Variants in AGAP1 observed in about 807,000 individuals in gnomAD.
The protein encoded by AGAP1 is ArfGAP with GTPase domain, ankyrin repeat and PH domain 1, also known as arf-GAP with GTPase, ANK repeat and PH domain-containing protein 1.
In AGAP1, 29 loss-of-function variants were observed where a neutral mutation model predicts 105.3. The observed-to-expected ratio is 0.28, with a 90% CI of 0.21 to 0.38. AGAP1 has a LOEUF of 0.38. AGAP1 is among the 10% of genes least tolerant of loss of function. The pLI, the probability that AGAP1 is intolerant of heterozygous loss-of-function variation, is 1.00. For synonymous variants in AGAP1, 509 were observed against 485.9 expected (o/e 1.05, Z -0.63); for missense variants, 998 against 1,165.1 (o/e 0.86, Z 2.09).
At chr2:235,698,272 G>C (rs1467314118) in intron 1 of AGAP1, among the ~76,000 whole-genome samples, 1 of 76,376 alleles carries the variant, frequency 1.3e-5, no homozygotes, top group Non-Finnish European at 2.7e-5. Context: ...ATGAAGCTTC[G>C]CTTTGCTTGC....
At chr2:235,561,279 G>T (rs959232393) in intron 1 of AGAP1, among the ~76,000 whole-genome samples, 3 of 152,110 alleles carry the variant, frequency 2.0e-5, no homozygotes, top group African/African-American at 7.2e-5. Flanking sequence ...ATTTTAAACT[G>T]CCCACAAACA....
intron 1 of AGAP1, among the ~76,000 whole-genome samples, chr2:235,522,043 A>T (rs568375586): frequency 3.9e-5 from 6 of 152,242 alleles, no homozygotes; most frequent in African/African-American, 1.4e-4. Context: ...AATACATCGG[A>T]TGTAATCAGG....
chr2:235,945,900 T>C (rs983031614), intron 12 of AGAP1, among the ~76,000 whole-genome samples: 1 of 18,104 alleles, frequency 5.5e-5, no homozygotes. Context: ...GCGGTGGTGG[T>C]GGGGGCGATA....
intron 9 of AGAP1, among the ~76,000 whole-genome samples, chr2:235,869,772 C>T (rs2049350188): frequency 6.6e-6 from 1 of 152,218 alleles, no homozygotes; most frequent in Non-Finnish European, 1.5e-5. Context: ...GCAAAAGTGG[C>T]ACAGCTGGCT....
intron 8 of AGAP1, among the ~76,000 whole-genome samples, chr2:235,804,434 G>A (rs1282684290): frequency 2.6e-5 from 4 of 152,204 alleles, no homozygotes; most frequent in Admixed American, 2.0e-4. Flanking sequence ...TTCATAGTGC[G>A]AAGAGAACTG....
rs1950248857 is a variant in AGAP1, at chr2:235,701,298, G to A, written c.164-7881G>A. 6.6e-6 allele frequency among the ~76,000 whole-genome samples: 1 copy of A among 152,078 alleles called. No individual in the cohort carries two copies. The highest frequency in any genetic ancestry group is 2.4e-5 in the African/African-American group (1 of 41,390). On this transcript the variant is annotated intron_variant, in intron 1 of 17. Coordinates refer to ENST00000304032, the MANE Select transcript of AGAP1 (RefSeq NM_001037131.3). This position sits in a 1 kb window ranked among gnomAD's most constrained non-coding sequence, Gnocchi z 4.1. ...CTTAGAGGAGAAGAGAGAGGACCCA[G>A]TCAAATGCTGACGTTGTTGTGACAG...
intron 1 of AGAP1, among the ~76,000 whole-genome samples, chr2:235,651,410 G>A (rs1947589498): frequency 6.6e-6 from 1 of 152,004 alleles, no homozygotes; most frequent in South Asian, 2.1e-4. Flanking sequence ...AAGCTTAAGG[G>A]AAACATATTT....
At chr2:235,693,378 G>A (rs1475214325) in intron 1 of AGAP1, among the ~76,000 whole-genome samples, 2 of 152,052 alleles carry the variant, frequency 1.3e-5, no homozygotes, top group African/African-American at 2.4e-5. Context: ...TGCCCTCCAG[G>A]GGTCATATCC....
In AGAP1 at chr2:235,792,913, C is replaced by T. The variant is rs1258915401; in HGVS notation, c.674-4846C>T. On this transcript the variant is annotated intron_variant, in intron 6 of 17. Coordinates refer to ENST00000304032, the MANE Select transcript of AGAP1 (RefSeq NM_001037131.3). This position sits in a 1 kb window ranked among gnomAD's most constrained non-coding sequence, Gnocchi z 5.3. ...GCACTGAGGTGGTGACCGAGACATT[C>T]GCGAGGAGGTTGCCCAGGCAGAGGG... Among the ~76,000 whole-genome samples, 3 of 152,070 alleles carry T rather than the reference C, an allele frequency of 2.0e-5. No individual in the cohort carries two copies. The highest frequency in any genetic ancestry group is 1.9e-4 in the East Asian group (1 of 5,164).
rs566152439 is a variant in AGAP1, at chr2:236,029,282, C to CTT, written c.1646-7269_1646-7268dup. ...ATCTTCCTGAAATACATCCTTTTTTCTTTTTTTTTTTGAGATGAAGTCTTT... is the reference window on the plus strand; with the variant it reads ...ATCTTCCTGAAATACATCCTTTTTTCTTTTTTTTTTTTTGAGATGAAGTCTTT... On this transcript the variant is annotated intron_variant, in intron 13 of 17. Coordinates refer to ENST00000304032, the MANE Select transcript of AGAP1 (RefSeq NM_001037131.3). 1.2e-3 allele frequency among the ~76,000 whole-genome samples: 173 copies of CTT among 144,020 alleles called. 1 individual carries two copies. Among genetic ancestry groups the CTT allele is most frequent in the African/African-American group, 4.2e-3 (165 of 39,300 alleles). The allele number at this position is 144,020 out of a possible 152,430, so 94.5% of individuals were successfully genotyped here. A position where few individuals can be genotyped will look rare whatever the true frequency, so the allele number is the denominator to read the frequency against.
At chr2:235,783,816 T>C (rs1956431470) in intron 6 of AGAP1, among the ~76,000 whole-genome samples, 1 of 152,116 alleles carries the variant, frequency 6.6e-6, no homozygotes, top group Admixed American at 6.5e-5. Flanking sequence ...TCAACATTCA[T>C]GGACCGGTAC....
intron 1 of AGAP1, among the ~76,000 whole-genome samples, chr2:235,521,520 A>C (rs917992620): frequency 6.6e-6 from 1 of 152,216 alleles, no homozygotes; most frequent in Non-Finnish European, 1.5e-5. Flanking sequence ...ATAAGCAAAT[A>C]CATGCGAATG....
chr2:235,822,212 A>G (rs1958827957), intron 9 of AGAP1, among the ~76,000 whole-genome samples: 1 of 152,270 alleles, frequency 6.6e-6, no homozygotes. Flanking sequence ...AGGTTTTATA[A>G]AATGAAAACT....
chr2:235,738,257 G>C (rs1410997231), intron 3 of AGAP1, among the ~76,000 whole-genome samples: 1 of 152,160 alleles, frequency 6.6e-6, no homozygotes, highest in Non-Finnish European at 1.5e-5. Flanking sequence ...AAATGGGGCA[G>C]GGATGGTGAG....
At chr2:235,674,769 A>C (rs1328398321) in intron 1 of AGAP1, among the ~76,000 whole-genome samples, 21 of 148,250 alleles carry the variant, frequency 1.4e-4, no homozygotes, top group Admixed American at 1.1e-3. Context: ...GCTCACTGCA[A>C]CCTCCCCCTC....
In AGAP1 at chr2:236,105,657, A is replaced by ACCATTCTCCCTCGTTCACG. The variant is rs2059467374; in HGVS notation, c.2115-14525_2115-14524insTCGTTCACGCCATTCTCCC. Among the ~76,000 whole-genome samples the ACCATTCTCCCTCGTTCACG allele has an allele frequency of 6.8e-6, 1 of 147,932 alleles. No homozygotes were observed. Among genetic ancestry groups the ACCATTCTCCCTCGTTCACG allele is most frequent in the Non-Finnish European group, 1.5e-5 (1 of 67,298 alleles). On this transcript the variant is annotated intron_variant, in intron 16 of 17. Transcript: ENST00000304032. The surrounding 1 kb of genome is among the most constrained non-coding windows in gnomAD (Gnocchi z 4.2). ...TGCAACCTCCGCCTCCCGGGTTCAC[A>ACCATTCTCCCTCGTTCACG]CCATTCTCCCGCGTTCACGCCATTC...
intron 1 of AGAP1, among the ~76,000 whole-genome samples, chr2:235,699,743 C>T (rs1452128584): frequency 1.3e-5 from 2 of 152,152 alleles, no homozygotes; most frequent in Non-Finnish European, 2.9e-5. Flanking sequence ...GTCAGCAGTC[C>T]GGGCTCCAGG....
Position 235,971,704 on chromosome 2 carries a change from T to A in AGAP1, c.1645+3081T>A, listed in dbSNP as rs2054650302. ...GACTCCGTCTCAAAAAAAAAAAAAA[T>A]CTGTTCTTGAAACTAAAGCTAGTTA... is the stretch of plus-strand genomic sequence containing the variant. On this transcript the variant is annotated intron_variant, in intron 13 of 17. Coordinates refer to ENST00000304032, the MANE Select transcript of AGAP1 (RefSeq NM_001037131.3). This position sits in a 1 kb window ranked among gnomAD's most constrained non-coding sequence, Gnocchi z 4.8. 2.0e-5 allele frequency among the ~76,000 whole-genome samples: 3 copies of A among 151,032 alleles called. No individual in the cohort carries two copies. Among genetic ancestry groups the A allele is most frequent in the African/African-American group, 4.9e-5 (2 of 41,088 alleles).
chr2:235,869,302 T>C (rs1357555042), intron 9 of AGAP1, among the ~76,000 whole-genome samples: 1 of 151,752 alleles, frequency 6.6e-6, no homozygotes, highest in African/African-American at 2.4e-5. Flanking sequence ...AGTACCATTT[T>C]GGCCAGGTAT....
Sources: allele counts gnomAD v4.1 joint callset (sites outside exome capture counted in the v4.1 genomes callset), GRCh38; gene constraint gnomAD v4.1.1; non-coding constraint Gnocchi (gnomAD v3.1); transcripts MANE v1.5; gene names NCBI Gene and HGNC (gene_info 2026-07-23, HGNC 2026-07-21).